The following PPP3CA variants were observed in gnomAD, a reference collection of about 807,000 sequenced individuals.
PPP3CA encodes the protein protein phosphatase 3 catalytic subunit alpha.
In PPP3CA, 14 loss-of-function variants were observed where a neutral mutation model predicts 66.5. That is an observed-to-expected ratio of 0.21 (90% confidence interval 0.14 to 0.33). The LOEUF is 0.33. Among genes scored for constraint, PPP3CA ranks in the 10% least tolerant of loss-of-function variants. The pLI, the probability that PPP3CA is intolerant of heterozygous loss-of-function variation, is 1.00. For synonymous variants in PPP3CA, 232 were observed against 226.2 expected, an observed-to-expected ratio of 1.03 and a Z score of -0.23; for missense variants, 317 against 639.5, an observed-to-expected ratio of 0.50 and a Z score of 5.44.
chr4:101,047,103 T>C (rs1043019880), intron 10 of PPP3CA, among the ~76,000 whole-genome samples: 2 of 152,186 alleles, frequency 1.3e-5, no homozygotes, highest in African/African-American at 4.8e-5. Context: ...AACTTAACAA[T>C]AACAAACCTT....
intron 2 of PPP3CA, among the ~76,000 whole-genome samples, chr4:101,156,845 T>C (rs1277774246): frequency 2.0e-5 from 3 of 152,278 alleles, no homozygotes; most frequent in African/African-American, 4.8e-5. Context: ...CTAAAACTGA[T>C]GGTGAGTCAC....
intron 1 of PPP3CA, among the ~76,000 whole-genome samples, chr4:101,296,519 CTT>C (rs1002709746): frequency 4.8e-4 from 73 of 152,200 alleles, no homozygotes; most frequent in Non-Finnish European, 9.7e-4. Flanking sequence ...ACCAGTTCAT[CTT>C]TTTTGCTTTA....
chr4:101,201,448 T>C (rs971939619), intron 1 of PPP3CA, among the ~76,000 whole-genome samples: 1 of 152,254 alleles, frequency 6.6e-6, no homozygotes, highest in Non-Finnish European at 1.5e-5. Flanking sequence ...GGCCTATTTT[T>C]ACCTAATCCC....
At chr4:101,125,027 G>C (rs1369399916) in intron 2 of PPP3CA, among the ~76,000 whole-genome samples, 5 of 152,176 alleles carry the variant, frequency 3.3e-5, no homozygotes, top group African/African-American at 7.2e-5. Context: ...GAAGCAAAGA[G>C]TTTCGAGGTA....
In PPP3CA at chr4:101,099,742, T is replaced by C; in HGVS notation, c.385-20A>G. ...CACACACTGAGAAAAATAAAAATAA[T>C]ATAAAAATAAATATTTTTCCTTAAC... On this transcript the variant is annotated intron_variant, in intron 3 of 13. Coordinates refer to ENST00000394854, the MANE Select transcript of PPP3CA (RefSeq NM_000944.5). The C allele has an allele frequency of 7.7e-7, 1 of 1,290,356 alleles. No individual in the cohort carries two copies. Among genetic ancestry groups the C allele is most frequent in the Non-Finnish European group, 1.0e-6 (1 of 957,538 alleles). The allele number at this position is 1,290,356 out of a possible 1,614,324, so 79.9% of individuals were successfully genotyped here.
chr4:101,243,970 A>C (rs1356189527), intron 1 of PPP3CA, among the ~76,000 whole-genome samples: 1 of 152,204 alleles, frequency 6.6e-6, no homozygotes, highest in Admixed American at 6.5e-5. Context: ...GTTTTGATTT[A>C]TAAGATAAGG....
chr4:101,246,681 T>C (rs2110239457), intron 1 of PPP3CA, among the ~76,000 whole-genome samples: 1 of 152,314 alleles, frequency 6.6e-6, no homozygotes. Flanking sequence ...GACATAGTTT[T>C]ACACATACAC....
chr4:101,026,386 A>C (rs977041192), intron 13 of PPP3CA, among the ~76,000 whole-genome samples: 1 of 152,222 alleles, frequency 6.6e-6, no homozygotes, highest in African/African-American at 2.4e-5. Flanking sequence ...TTTCAGGGAC[A>C]AGCCTCTAGA....
intron 1 of PPP3CA, among the ~76,000 whole-genome samples, chr4:101,243,977 A>G (rs1726395492): frequency 6.6e-6 from 1 of 152,230 alleles, no homozygotes; most frequent in Non-Finnish European, 1.5e-5. Flanking sequence ...TTTATAAGAT[A>G]AGGTTTGGTA....
At position 101,275,809 on chromosome 4, in the gene PPP3CA, G is replaced by A. The variant is rs116621798; in HGVS notation, c.58+70930C>T. ...GGTCACTTTTACATCTTTTTTGTTT[G>A]TTTTGGGGTGGTGTGGTTTTTTTCG... On this transcript the variant is annotated intron_variant, in intron 1 of 13. Transcript: ENST00000394854. Among the ~76,000 whole-genome samples the A allele has an allele frequency of 8.3e-3, 1,246 of 149,388 alleles. 16 individuals carry two copies. Among genetic ancestry groups the A allele is most frequent in the African/African-American group, 0.029 (1,203 of 40,918 alleles).
chr4:101,239,983 G>T (rs1027052740), intron 1 of PPP3CA, among the ~76,000 whole-genome samples: 3 of 149,130 alleles, frequency 2.0e-5, no homozygotes, highest in Non-Finnish European at 4.4e-5. Context: ...TGATTAAGGG[G>T]GTTTAAAATA....
chr4:101,124,580 G>A (rs962402929), intron 2 of PPP3CA, among the ~76,000 whole-genome samples: 1 of 151,476 alleles, frequency 6.6e-6, no homozygotes. Context: ...TTGCACTCCA[G>A]CTGGGGCAAC....
chr4:101,289,908 GTGTGTC>G (rs1727967805), intron 1 of PPP3CA, among the ~76,000 whole-genome samples: 3 of 142,550 alleles, frequency 2.1e-5, no homozygotes, highest in Admixed American at 1.5e-4. Flanking sequence ...GTGTGTGTGT[GTGTGTC>G]AGATGTTTAA....
chr4:101,224,731 G>T (rs1475275785), intron 1 of PPP3CA, among the ~76,000 whole-genome samples: 1 of 151,776 alleles, frequency 6.6e-6, no homozygotes, highest in Non-Finnish European at 1.5e-5. Flanking sequence ...GGGCAGGGGG[G>T]ATGGTGCAGA....
chr4:101,071,855 G>A (rs576558320), intron 8 of PPP3CA, among the ~76,000 whole-genome samples: 4 of 152,318 alleles, frequency 2.6e-5, no homozygotes, highest in African/African-American at 9.6e-5. Flanking sequence ...TGATTTTTAA[G>A]AAATCAAGAA....
intron 2 of PPP3CA, among the ~76,000 whole-genome samples, 163 bp downstream of exon 2, chr4:101,195,753 T>C (rs1724769561): frequency 6.6e-6 from 1 of 152,190 alleles, no homozygotes; most frequent in African/African-American, 2.4e-5. Flanking sequence ...AAAATATGTG[T>C]ATATATGTAT....
intron 12 of PPP3CA, 152 bp from the exon 13 acceptor site, chr4:101,029,347 T>TAAAAAAAAAAAAAAAAAAAAAAAAAAAA (rs34620032): frequency 8.9e-5 from 7 of 78,836 alleles, no homozygotes; most frequent in Admixed American, 1.9e-4. Flanking sequence ...ACAGAAATGC[T>TAAAAAAAAAAAAAAAAAAAAAAAAAAAA]AAAAAAAAAA....
chr4:101,107,193 C>T lies in PPP3CA; in HGVS notation c.384+1761G>A, dbSNP rs118171968. On this transcript the variant is annotated intron_variant, in intron 3 of 13. Transcript: ENST00000394854. ...GTTCTTTGATTCAGTCTTCCCAAAA[C>T]ATGTGTGCTCTCAATATTCTTTCAC... is the stretch of plus-strand genomic sequence containing the variant. Among the ~76,000 whole-genome samples the T allele has an allele frequency of 2.9e-4, 44 of 152,338 alleles. No homozygotes were observed. The East Asian group carries it at 8.5e-3, about 29-fold the overall frequency.
intron 10 of PPP3CA, among the ~76,000 whole-genome samples, chr4:101,057,633 T>C (rs1190781547): frequency 6.6e-6 from 1 of 152,174 alleles, no homozygotes; most frequent in African/African-American, 2.4e-5. Flanking sequence ...TGGAGAGGCA[T>C]TCAGCATTCT....
Sources: gnomAD v4.1 joint callset for allele counts (sites outside exome capture counted in the v4.1 genomes callset) on GRCh38, gnomAD v4.1.1 for gene constraint, MANE v1.5 for transcripts, NCBI Gene and HGNC (gene_info 2026-07-23, HGNC 2026-07-21) for gene names.